Variants in IGSF21 observed in about 807,000 individuals in gnomAD.
IGSF21 encodes immunoglobulin superfamily member 21.
A neutral mutation model predicts 46.8 loss-of-function variants in IGSF21; 28 were observed. The observed-to-expected ratio is 0.60, with a 90% confidence interval of 0.44 to 0.82. IGSF21 has a LOEUF of 0.82. Among genes scored for constraint, IGSF21 ranks in the 40% least tolerant of loss-of-function variants. IGSF21 has a pLI of 0.00. For missense variants in IGSF21, 624 were observed against 665.5 expected (o/e 0.94, Z 0.69); for synonymous variants, 284 against 273.6 (o/e 1.04, Z -0.38).
At chr1:18,350,010 A>G (rs1294595793) in intron 4 of IGSF21, among the ~76,000 whole-genome samples, 2 of 152,162 alleles carry the variant, frequency 1.3e-5, no homozygotes, top group African/African-American at 2.4e-5. Flanking sequence ...GCACGATACA[A>G]TCGTCAGCCC....
intron 1 of IGSF21, among the ~76,000 whole-genome samples, chr1:18,141,851 T>G (rs2086418245): frequency 6.6e-6 from 1 of 152,106 alleles, no homozygotes; most frequent in East Asian, 1.9e-4. Flanking sequence ...AGCCGATTGC[T>G]TGAGGCCAAG....
chr1:18,267,424 C>T (rs962763573), intron 2 of IGSF21, among the ~76,000 whole-genome samples: 2 of 152,128 alleles, frequency 1.3e-5, no homozygotes, highest in Non-Finnish European at 2.9e-5. Context: ...GATGGAGACT[C>T]TTCTCTACCC....
At chr1:18,225,083 TCTCACA>T (rs1380762705) in intron 1 of IGSF21, among the ~76,000 whole-genome samples, 1,655 of 54,858 alleles carry the variant, frequency 0.03, 36 homozygotes, top group East Asian at 0.25. Context: ...TCTCTCTCTC[TCTCACA>T]CACACACACA....
rs573529373 is a variant in IGSF21, at chr1:18,365,031, G to A, written c.541-192G>A. Among the ~76,000 whole-genome samples, 7 of 152,282 alleles carry A rather than the reference G, an allele frequency of 4.6e-5. No individual in the cohort carries two copies. Among genetic ancestry groups the A allele is most frequent in the African/African-American group, 1.4e-4 (6 of 41,556 alleles). On this transcript the variant is annotated intron_variant, in intron 5 of 9. Coordinates refer to ENST00000251296, the MANE Select transcript of IGSF21 (RefSeq NM_032880.5). This position sits in a 1 kb window ranked among gnomAD's most constrained non-coding sequence, Gnocchi z 4.8. ...AAGCCTCTGCCCCAAGGGCCTGCATGTGTTCCCATTGTACCACACTGGCTC... is the reference window on the plus strand; with the variant it reads ...AAGCCTCTGCCCCAAGGGCCTGCATATGTTCCCATTGTACCACACTGGCTC...
rs761983342 is a variant in IGSF21, at chr1:18,123,703, T to TCTGA, written c.70+15506_70+15509dup. 3.4e-4 allele frequency among the ~76,000 whole-genome samples: 51 copies of TCTGA among 151,604 alleles called. 1 individual carries two copies. Among genetic ancestry groups the TCTGA allele is most frequent in the Non-Finnish European group, 6.6e-4 (45 of 67,940 alleles). ...CCAAGTAAAGAAGGGAGTGGAGGGA[T>TCTGA]CTGAGCAGGATACAACAGCAAGGAT... On this transcript the variant is annotated intron_variant, in intron 1 of 9. Transcript: ENST00000251296.
intron 1 of IGSF21, among the ~76,000 whole-genome samples, chr1:18,178,591 A>G (rs559322962): frequency 6.6e-6 from 1 of 152,310 alleles, no homozygotes; most frequent in East Asian, 1.9e-4. Flanking sequence ...AGTGTTAGCT[A>G]TTATTCTATT....
At chr1:18,211,232 G>A (rs1041667786) in intron 1 of IGSF21, among the ~76,000 whole-genome samples, 6 of 152,108 alleles carry the variant, frequency 3.9e-5, no homozygotes, top group Admixed American at 1.3e-4. Flanking sequence ...TGGGCCAGTC[G>A]GGCTGTTGCC....
intron 2 of IGSF21, among the ~76,000 whole-genome samples, chr1:18,262,655 G>A (rs1033441929): frequency 3.9e-5 from 6 of 152,182 alleles, no homozygotes; most frequent in African/African-American, 1.4e-4. Flanking sequence ...GAGAGCTGGA[G>A]GCTGCAGGCT....
intron 2 of IGSF21, among the ~76,000 whole-genome samples, chr1:18,256,563 C>G (rs1293818842): frequency 1.3e-5 from 2 of 152,102 alleles, no homozygotes; most frequent in South Asian, 4.1e-4. Flanking sequence ...ACCACCCTGG[C>G]GGTGCCCTGT....
At chr1:18,174,389 T>C (rs2086774344) in intron 1 of IGSF21, among the ~76,000 whole-genome samples, 1 of 152,194 alleles carries the variant, frequency 6.6e-6, no homozygotes, top group Admixed American at 6.5e-5. Flanking sequence ...TTCATTACTA[T>C]TCTTCCCGCT....
chr1:18,315,537 A>G (rs12737879), intron 3 of IGSF21, among the ~76,000 whole-genome samples: 1 of 104,898 alleles, frequency 9.5e-6, no homozygotes, highest in African/African-American at 3.8e-5. Flanking sequence ...TTGTTGGATG[A>G]GTGGATGGAT....
At chr1:18,169,956 C>A (rs2086720018) in intron 1 of IGSF21, among the ~76,000 whole-genome samples, 1 of 152,118 alleles carries the variant, frequency 6.6e-6, no homozygotes, top group Non-Finnish European at 1.5e-5. Flanking sequence ...AGAAGTTCAA[C>A]AGAGCAGCGG....
intron 3 of IGSF21, among the ~76,000 whole-genome samples, chr1:18,314,984 G>GGTGC (rs1435199810): frequency 2.0e-5 from 3 of 152,158 alleles, no homozygotes; most frequent in Admixed American, 6.5e-5. Context: ...GTTCATCAGA[G>GGTGC]ATCATGATTG....
intron 2 of IGSF21, among the ~76,000 whole-genome samples, chr1:18,235,673 G>A (rs563565268): frequency 7.9e-5 from 12 of 152,344 alleles, no homozygotes; most frequent in Admixed American, 2.6e-4. Flanking sequence ...GGCAGAGACC[G>A]TTCATACCAG....
At chr1:18,133,238 C>T (rs940965793) in intron 1 of IGSF21, among the ~76,000 whole-genome samples, 1 of 152,232 alleles carries the variant, frequency 6.6e-6, no homozygotes, top group African/African-American at 2.4e-5. Context: ...CCCCAACCTT[C>T]CTGAGGCCCC....
chr1:18,347,666 C>T (rs1012683280), intron 4 of IGSF21, among the ~76,000 whole-genome samples: 1 of 152,148 alleles, frequency 6.6e-6, no homozygotes, highest in African/African-American at 2.4e-5. Flanking sequence ...GGGAGGGAAG[C>T]GAGGCCTTTG....
chr1:18,274,915 A>G (rs1312709059), intron 2 of IGSF21, among the ~76,000 whole-genome samples: 1 of 152,214 alleles, frequency 6.6e-6, no homozygotes, highest in Non-Finnish European at 1.5e-5. Flanking sequence ...AATCCCAGCT[A>G]CTAGGGAAGG....
At chr1:18,360,622 C>G (rs1052749227) in intron 4 of IGSF21, among the ~76,000 whole-genome samples, 1 of 152,170 alleles carries the variant, frequency 6.6e-6, no homozygotes, top group African/African-American at 2.4e-5. Flanking sequence ...TTCTCTGCTT[C>G]CCTCCCTGTG....
intron 2 of IGSF21, among the ~76,000 whole-genome samples, chr1:18,266,935 A>C (rs116694377): frequency 6.6e-6 from 1 of 152,174 alleles, no homozygotes; most frequent in African/African-American, 2.4e-5. Flanking sequence ...GAGACCCAGC[A>C]AATGGGGTCA....
Sources: gnomAD v4.1 joint callset for allele counts (sites outside exome capture counted in the v4.1 genomes callset) on GRCh38, gnomAD v4.1.1 for gene constraint, Gnocchi (gnomAD v3.1) non-coding constraint, MANE v1.5 for transcripts, NCBI Gene and HGNC (gene_info 2026-07-23, HGNC 2026-07-21) for gene names.